Variants in DBNDD1 observed in about 807,000 individuals in gnomAD.
The protein encoded by DBNDD1 is dysbindin domain containing 1, also known as dysbindin domain-containing protein 1.
In DBNDD1, 14 loss-of-function variants were observed where a neutral mutation model predicts 17.0. The observed-to-expected ratio is 0.82, with a 90% CI of 0.54 to 1.29. The LOEUF is 1.29. DBNDD1 is among the 50% of genes most tolerant of loss of function. DBNDD1 has a pLI of 0.00. For synonymous variants in DBNDD1, 105 were observed against 102.0 expected, an observed-to-expected ratio of 1.03 and a Z score of -0.18; for missense variants, 221 against 216.2, an observed-to-expected ratio of 1.02 and a Z score of -0.14.
chr16:90,018,640 G>A (rs2035692660), intron 1 of DBNDD1, among the ~76,000 whole-genome samples: 2 of 152,216 alleles, frequency 1.3e-5, no homozygotes. Context: ...GGTTCTGAGA[G>A]CTTTCTTCCC....
At chr16:90,010,872 C>T (rs1183209998) in intron 1 of DBNDD1, among the ~76,000 whole-genome samples, 1 of 152,214 alleles carries the variant, frequency 6.6e-6, no homozygotes, top group Non-Finnish European at 1.5e-5. Context: ...GGGTGCATGC[C>T]CCCCTTTGGC....
At chr16:90,018,471 G>C (rs1178565618) in intron 1 of DBNDD1, among the ~76,000 whole-genome samples, 1 of 152,250 alleles carries the variant, frequency 6.6e-6, no homozygotes, top group South Asian at 2.1e-4. Context: ...TGTGCCCTCA[G>C]GCACCTGCTG....
At chr16:90,012,188 T>C (rs2035565988) in intron 1 of DBNDD1, among the ~76,000 whole-genome samples, 1 of 152,226 alleles carries the variant, frequency 6.6e-6, no homozygotes, top group African/African-American at 2.4e-5. Flanking sequence ...GAGCAGGCGC[T>C]GTCCCTCTGG....
Position 90,006,152 on chromosome 16 carries a change from A to T in DBNDD1, c.*183T>A. ...CGGCTGGTCTCCAAGTGAGGCGAAG[A>T]CCCGTGCCCAGCAGACAAGGCCGGT... On this transcript the variant is annotated 3_prime_UTR_variant, in exon 4 of 4. Coordinates refer to ENST00000002501, the MANE Select transcript of DBNDD1 (RefSeq NM_001042610.3). 1 of 888,012 alleles carries T rather than the reference A, an allele frequency of 1.1e-6. No individual in the cohort carries two copies. The highest frequency in any genetic ancestry group is 1.6e-6 in the Non-Finnish European group (1 of 609,156). The allele number at this position is 888,012 out of a possible 1,614,324, so 55.0% of individuals were successfully genotyped here.
intron 1 of DBNDD1, among the ~76,000 whole-genome samples, chr16:90,018,072 G>A (rs924788384): frequency 1.6e-4 from 24 of 152,238 alleles, no homozygotes; most frequent in Admixed American, 7.2e-4. Flanking sequence ...TGCAGGGGAA[G>A]CAGAACTGTC....
chr16:90,017,721 G>C (rs940566467), intron 1 of DBNDD1, among the ~76,000 whole-genome samples: 4 of 152,172 alleles, frequency 2.6e-5, no homozygotes, highest in Non-Finnish European at 5.9e-5. Context: ...AGTCACCAAT[G>C]TGTGATCTCA....
chr16:90,008,776 G>A lies in DBNDD1; in HGVS notation c.319+8C>T, dbSNP rs201797728. 2.0e-5 allele frequency: 32 copies of A among 1,589,254 alleles called. No individual in the cohort carries two copies. The Admixed American group carries it at 2.2e-4, about 11-fold the overall frequency. On this transcript the variant is annotated splice_region_variant and intron_variant, in intron 3 of 3. Transcript: ENST00000002501. ...CACCTCCCAGCCCAGCCCTGATGCC[G>A]GCCTCACCTGCTGGGGACTCGGTGT...
Position 90,005,593 on chromosome 16 carries a change from C to T in DBNDD1, c.*742G>A, listed in dbSNP as rs565325077. ...GGTGAACCCCACCCCGAGAGCATTCCGGGAGGTGTCATCAAGTCTCTTAGG... is the reference window on the plus strand; with the variant it reads ...GGTGAACCCCACCCCGAGAGCATTCTGGGAGGTGTCATCAAGTCTCTTAGG... On this transcript the variant is annotated 3_prime_UTR_variant, in exon 4 of 4. Transcript: ENST00000002501. 2 of 152,418 alleles carry T rather than the reference C, an allele frequency of 1.3e-5. No homozygotes were observed. Among genetic ancestry groups the T allele is most frequent in the South Asian group, 2.1e-4 (1 of 4,820 alleles). 9.4% of individuals were successfully genotyped at this position (152,418 alleles called of 1,614,324 possible).
At chr16:90,011,339 G>A (rs750160513) in intron 1 of DBNDD1, among the ~76,000 whole-genome samples, 8 of 152,194 alleles carry the variant, frequency 5.3e-5, no homozygotes, top group African/African-American at 1.7e-4. Context: ...CGTCCGTCCC[G>A]GTGCACCCCC....
Position 90,005,868 on chromosome 16 carries a change from T to C in DBNDD1, c.*467A>G, listed in dbSNP as rs1436959463. 1 of 162,506 alleles carries C rather than the reference T, an allele frequency of 6.2e-6. No individual in the cohort carries two copies. The highest frequency in any genetic ancestry group is 2.4e-5 in the African/African-American group (1 of 41,962). 10.1% of individuals were successfully genotyped at this position (162,506 alleles called of 1,614,324 possible). A position where few individuals can be genotyped will look rare whatever the true frequency, so the allele number is the denominator to read the frequency against. On this transcript the variant is annotated 3_prime_UTR_variant, in exon 4 of 4. Coordinates refer to ENST00000002501, the MANE Select transcript of DBNDD1 (RefSeq NM_001042610.3). ...GCCACTACCAAACCCGCCTCTGGCT[T>C]CTGAGCTTGGCAGCACAGGAAAACG...
intron 1 of DBNDD1, chr16:90,011,840 G>T: frequency 3.0e-6 from 1 of 330,168 alleles, no homozygotes; most frequent in East Asian, 9.3e-5. Flanking sequence ...CTGTGAGCAG[G>T]GGGACCTCCC....
At position 90,009,373 on chromosome 16, in the gene DBNDD1, G is replaced by A; in HGVS notation, c.89C>T (p.Thr30Ile). The A allele has an allele frequency of 1.2e-6, 2 of 1,613,392 alleles. No homozygotes were observed. The highest frequency in any genetic ancestry group is 1.7e-6 in the Non-Finnish European group (2 of 1,180,012). The change falls in exon 2 of 4, where the codon ACA (threonine) becomes ATA (isoleucine). Residue 30 changes from threonine to isoleucine, a missense_variant. Physicochemically the swap from Thr to Ile is moderately conservative, Grantham distance 89. Transcript: ENST00000002501. ...QAALGVPAQG[T>I]GDNGHTPVEE... ...CACAGGCGTGTGGCCATTGTCCCCT[G>A]TCCCCTGGGCTGGGACGCCCAGCGC...
At position 90,008,852 on chromosome 16, in the gene DBNDD1, G is replaced by A. The variant is rs77900127; in HGVS notation, c.251C>T (p.Ser84Leu). Residue 84 changes from serine (S) to leucine (L), a missense_variant, in exon 3 of 4, where the codon TCG becomes TTG. Transcript: ENST00000002501. ...LLDLTELTDMSDQELAEVFAD... is the reference protein window; with the variant it reads ...LLDLTELTDMLDQELAEVFAD... ...AAAGACCTCGGCCAGCTCCTGGTCC[G>A]ACATGTCGGTGAGCTCAGTGAGGTC... The A allele has an allele frequency of 2.6e-5, 42 of 1,603,530 alleles. 1 individual carries two copies. The East Asian group carries it at 5.8e-4, about 22-fold the overall frequency.
intron 3 of DBNDD1, 22 bp from the exon 4 acceptor site, chr16:90,006,514 A>T: frequency 6.3e-7 from 1 of 1,592,080 alleles, no homozygotes; most frequent in Non-Finnish European, 8.5e-7. Flanking sequence ...CGGGAAGGGG[A>T]ACTCGGTGTG....
rs1256159422 is a variant in DBNDD1, at chr16:90,014,131, TA to T, written c.32-4702del. Among the ~76,000 whole-genome samples the T allele has an allele frequency of 4.4e-3, 673 of 151,594 alleles. 6 individuals are homozygous for T. Among genetic ancestry groups the T allele is most frequent in the African/African-American group, 0.015 (626 of 41,354 alleles). ...ACCTGAATTTTTAAATTATTATTAT[TA>T]TTATTTTTTTTTTGAGATGGAGTCT... On this transcript the variant is annotated intron_variant, in intron 1 of 3. Transcript: ENST00000002501.
chr16:90,007,376 G>C (rs1008885405), intron 3 of DBNDD1: 1 of 152,494 alleles, frequency 6.6e-6, no homozygotes, highest in Non-Finnish European at 1.5e-5. Flanking sequence ...GTCCCATGCG[G>C]AGAAGGCTCG....
intron 1 of DBNDD1, among the ~76,000 whole-genome samples, chr16:90,014,283 T>A (rs12925506): frequency 6.6e-6 from 1 of 151,822 alleles, no homozygotes; most frequent in Non-Finnish European, 1.5e-5. Context: ...TGCGCCACCA[T>A]GCCTGGCTAA....
chr16:90,010,460 C>G (rs763509229), intron 1 of DBNDD1, among the ~76,000 whole-genome samples: 13 of 149,696 alleles, frequency 8.7e-5, no homozygotes, highest in Non-Finnish European at 1.5e-4. Context: ...CTCCACCTCA[C>G]GGGTTCAAGC....
In DBNDD1 at chr16:90,006,047, C is replaced by G. The variant is rs2035416354; in HGVS notation, c.*288G>C. On this transcript the variant is annotated 3_prime_UTR_variant, in exon 4 of 4. Transcript: ENST00000002501. Reference sequence around the variant, plus strand: ...TCCTGACTCGGGGCCCAGGAACGAGCTGGACGTAAGGCCACTGGGCTGTGC... The same window carrying G: ...TCCTGACTCGGGGCCCAGGAACGAGGTGGACGTAAGGCCACTGGGCTGTGC... The G allele has an allele frequency of 2.8e-6, 1 of 352,972 alleles. No individual in the cohort carries two copies. The highest frequency in any genetic ancestry group is 2.0e-5 in the African/African-American group (1 of 49,766). 21.9% of individuals were successfully genotyped at this position (352,972 alleles called of 1,614,324 possible).
Sources: gnomAD v4.1 joint callset for allele counts (sites outside exome capture counted in the v4.1 genomes callset) on GRCh38, gnomAD v4.1.1 for gene constraint, MANE v1.5 for transcripts, NCBI Gene and HGNC (gene_info 2026-07-23, HGNC 2026-07-21) for gene names.